Variants in NDRG4 observed in about 807,000 individuals in gnomAD.
The protein encoded by NDRG4 is NDRG family member 4, also known as protein NDRG4.
Under a neutral mutation model 55.8 loss-of-function variants are expected in NDRG4, and 38 were observed. The observed-to-expected ratio is 0.68, with a 90% CI of 0.53 to 0.89. The LOEUF (loss-of-function observed/expected upper bound fraction) is 0.89, where lower values mean the gene tolerates loss of function less well. Among genes scored for constraint, NDRG4 ranks in the 40% least tolerant of loss-of-function variants. The pLI is 0.00. For missense variants in NDRG4, 455 were observed against 468.6 expected (o/e 0.97, Z 0.27); for synonymous variants, 190 against 182.7 (o/e 1.04, Z -0.32).
At chr16:58,477,308 A>G (rs543808250) in intron 1 of NDRG4, among the ~76,000 whole-genome samples, 42 of 152,304 alleles carry the variant, frequency 2.8e-4, no homozygotes, top group South Asian at 2.1e-3. Flanking sequence ...TCATTCTCCA[A>G]TAAAGGGAAC....
At chr16:58,494,942 C>G (rs769533317) in intron 2 of NDRG4, 30 of 1,613,334 alleles carry the variant, frequency 1.9e-5, no homozygotes, top group Non-Finnish European at 2.1e-5. Flanking sequence ...ACTTGCCACC[C>G]CCTCTGTTTG....
chr16:58,495,118 T>A, intron 3 of NDRG4: 2 of 1,063,724 alleles, frequency 1.9e-6, no homozygotes, highest in Non-Finnish European at 2.8e-6. Flanking sequence ...GCCCCCTGCC[T>A]AACAGAGAGA....
In NDRG4 at chr16:58,513,203, G is replaced by C; in HGVS notation, c.*1627G>C. On this transcript the variant is annotated 3_prime_UTR_variant, in exon 15 of 15. Transcript: ENST00000570248. Reference sequence around the variant, plus strand: ...GTGTGTGTGTGTGTGTGTGTACATCGGGTCCTCCCATGTGTGGTGTTCTTC... The same window carrying C: ...GTGTGTGTGTGTGTGTGTGTACATCCGGTCCTCCCATGTGTGGTGTTCTTC... The C allele has an allele frequency of 8.0e-6, 1 of 124,818 alleles. No homozygotes were observed. The allele number at this position is 124,818 out of a possible 1,614,324, so 7.7% of individuals were successfully genotyped here.
exon 2 of NDRG4, chr16:58,487,783 C>G: frequency 6.5e-7 from 1 of 1,543,648 alleles, no homozygotes; most frequent in Admixed American, 2.0e-5. Flanking sequence ...GTGACCATGG[C>G]CGGGCTGCAG....
At chr16:58,489,221 G>T (rs954781941) in intron 2 of NDRG4, among the ~76,000 whole-genome samples, 2 of 151,940 alleles carry the variant, frequency 1.3e-5, no homozygotes, top group African/African-American at 4.8e-5. Context: ...AACCCGGGAG[G>T]TTCAACCCCA....
At chr16:58,500,769 C>T (rs1304070760) in intron 1 of NDRG4, 1 of 413,990 alleles carries the variant, frequency 2.4e-6, no homozygotes, top group East Asian at 3.6e-5. Flanking sequence ...GGCTGCCGTC[C>T]CAGTGGGCGG....
At chr16:58,506,023 G>A (rs966555367) in intron 5 of NDRG4, 11 of 361,968 alleles carry the variant, frequency 3.0e-5, no homozygotes, top group Non-Finnish European at 5.2e-5. Context: ...CGCCTGGCCA[G>A]GGCTTCATTC....
At chr16:58,506,172 G>T in intron 5 of NDRG4, 1 of 685,494 alleles carries the variant, frequency 1.5e-6, no homozygotes, top group Non-Finnish European at 2.7e-6. Context: ...GTGTGTGTAG[G>T]GGTGGAAACA....
At position 58,503,667 on chromosome 16, in the gene NDRG4, G is replaced by A. The variant is rs963657796; in HGVS notation, c.22-131G>A. 10 of 1,533,264 alleles carry A rather than the reference G, an allele frequency of 6.5e-6. No individual in the cohort carries two copies. In the African/African-American group the frequency reaches 1.4e-4, roughly 21 times the overall value. 95.0% of individuals were successfully genotyped at this position (1,533,264 alleles called of 1,614,324 possible). A position where few individuals can be genotyped will look rare whatever the true frequency, so the allele number is the denominator to read the frequency against. ...GTCCTCTCTGGGGGCTTCTTGGGGT[G>A]ATGAGAACAGGATGCCCCAAGTAGG... is the stretch of plus-strand genomic sequence containing the variant. On this transcript the variant is annotated intron_variant, in intron 1 of 14. Transcript: ENST00000570248.
At chr16:58,511,351 G>T (rs2038780957) in intron 14 of NDRG4, 71 bp from the exon 15 acceptor site, 2 of 1,494,656 alleles carry the variant, frequency 1.3e-6, no homozygotes, top group African/African-American at 2.8e-5. Flanking sequence ...TTTGCTTGCA[G>T]CCTACTTTTC....
intron 1 of NDRG4, among the ~76,000 whole-genome samples, chr16:58,483,395 G>A (rs2034702713): frequency 2.0e-5 from 3 of 152,006 alleles, no homozygotes; most frequent in Admixed American, 2.0e-4. Flanking sequence ...GAGAAAAGGA[G>A]AAAAAACACA....
Position 58,503,954 on chromosome 16 carries a change from A to G in NDRG4, c.127+51A>G, listed in dbSNP as rs773570661. ...CCCTCCTCTGCCTCCCATCAGCCAGAGCGGTGAGGCCCCCCACCCTCCCCA... is the reference window on the plus strand; with the variant it reads ...CCCTCCTCTGCCTCCCATCAGCCAGGGCGGTGAGGCCCCCCACCCTCCCCA... On this transcript the variant is annotated intron_variant, in intron 2 of 14. Coordinates refer to ENST00000570248, the MANE Select transcript of NDRG4 (RefSeq NM_001242835.2). 1.0e-5 allele frequency: 16 copies of G among 1,595,980 alleles called. No homozygotes were observed. The South Asian group carries it at 1.8e-4, about 18-fold the overall frequency.
intron 2 of NDRG4, among the ~76,000 whole-genome samples, chr16:58,490,975 TCAAAAA>T (rs931800946): frequency 2.7e-5 from 4 of 146,732 alleles, no homozygotes; most frequent in Non-Finnish European, 6.0e-5. Flanking sequence ...AGGCTCTGTC[TCAAAAA>T]CAAAATAAAA....
chr16:58,503,767 CAG>C lies in NDRG4; in HGVS notation c.22-28_22-27del, dbSNP rs760958769. ...AGAGGAGCCAAGAGCGGAGGCTGCCCAGAGTGTCCAGCACGGTCTCTCCCCTT... is the reference window on the plus strand; with the variant it reads ...AGAGGAGCCAAGAGCGGAGGCTGCCCAGTGTCCAGCACGGTCTCTCCCCTT... On this transcript the variant is annotated intron_variant, in intron 1 of 14. Transcript: ENST00000570248. 43 of 1,613,350 alleles carry C rather than the reference CAG, an allele frequency of 2.7e-5. No individual in the cohort carries two copies. The Admixed American group carries it at 6.8e-4, about 26-fold the overall frequency.
chr16:58,467,042 T>G (rs1400721788), intron 1 of NDRG4, among the ~76,000 whole-genome samples: 3 of 152,156 alleles, frequency 2.0e-5, no homozygotes, highest in Admixed American at 6.5e-5. Flanking sequence ...CAGGTCACAG[T>G]CCGGGAGGTG....
At chr16:58,505,107 TG>T (rs1250009708) in intron 5 of NDRG4, among the ~76,000 whole-genome samples, 1 of 152,178 alleles carries the variant, frequency 6.6e-6, no homozygotes, top group Non-Finnish European at 1.5e-5. Flanking sequence ...CCCAGCACTT[TG>T]GGAGGCCAAG....
chr16:58,465,257 G>GT, intron 1 of NDRG4: 1 of 536,568 alleles, frequency 1.9e-6, no homozygotes, highest in Non-Finnish European at 3.3e-6. Context: ...CCGACACCTG[G>GT]GGGAGGGGGC....
chr16:58,513,114 T>A lies in NDRG4; in HGVS notation c.*1538T>A, dbSNP rs1443536633. ...TTACTGTAGATAACACTGCAAATCT[T>A]GGAATTTTGTTTTTTGCTGTTTCCA... On this transcript the variant is annotated 3_prime_UTR_variant, in exon 15 of 15. Transcript: ENST00000570248. The A allele has an allele frequency of 6.6e-6, 1 of 152,582 alleles. No individual in the cohort carries two copies. The highest frequency in any genetic ancestry group is 1.9e-4 in the East Asian group (1 of 5,190). The allele number at this position is 152,582 out of a possible 1,614,324, so 9.5% of individuals were successfully genotyped here.
chr16:58,475,323 T>C (rs1466630863), intron 1 of NDRG4, among the ~76,000 whole-genome samples: 1 of 152,172 alleles, frequency 6.6e-6, no homozygotes, highest in Non-Finnish European at 1.5e-5. Context: ...TGTGAGCTTG[T>C]GAGGTGTGGG....
Sources: allele counts gnomAD v4.1 joint callset (sites outside exome capture counted in the v4.1 genomes callset), GRCh38; gene constraint gnomAD v4.1.1; transcripts MANE v1.5; gene names NCBI Gene and HGNC (gene_info 2026-07-23, HGNC 2026-07-21).